KCNIP4: variants seen among roughly 807,000 people sequenced by gnomAD.
The protein encoded by KCNIP4 is Kv channel-interacting protein 4.
A neutral mutation model predicts 34.0 loss-of-function variants in KCNIP4; 12 were observed. That is an observed-to-expected ratio of 0.35 (90% CI 0.23 to 0.57). KCNIP4 has a LOEUF of 0.57. KCNIP4 is among the 20% of genes least tolerant of loss of function. KCNIP4 has a pLI of 0.83. For missense variants in KCNIP4, 238 were observed against 311.7 expected, an observed-to-expected ratio of 0.76 and a Z score of 1.78; for synonymous variants, 124 against 102.2, an observed-to-expected ratio of 1.21 and a Z score of -1.29.
At chr4:20,755,802 A>G (rs984280542) in intron 4 of KCNIP4, among the ~76,000 whole-genome samples, 3 of 152,140 alleles carry the variant, frequency 2.0e-5, no homozygotes, top group African/African-American at 7.2e-5. Context: ...TTTCAGGCAG[A>G]GGGAACAGCA....
intron 1 of KCNIP4, among the ~76,000 whole-genome samples, chr4:21,631,311 A>G (rs952772513): frequency 1.1e-4 from 17 of 152,320 alleles, no homozygotes; most frequent in African/African-American, 4.1e-4. Context: ...CCATGCTTTT[A>G]TTTTAATTAA....
intron 1 of KCNIP4, among the ~76,000 whole-genome samples, chr4:21,076,060 T>G (rs1745462673): frequency 6.6e-6 from 1 of 152,194 alleles, no homozygotes; most frequent in South Asian, 2.1e-4. Context: ...TCTCTCTGGC[T>G]ACACTTAACA....
chr4:21,391,958 A>G (rs1722599179), intron 1 of KCNIP4, among the ~76,000 whole-genome samples: 2 of 152,312 alleles, frequency 1.3e-5, no homozygotes, highest in South Asian at 2.1e-4. Context: ...TTCCACTGCT[A>G]TCCTGTAAAC....
At chr4:20,976,190 A>G (rs1013810691) in intron 1 of KCNIP4, among the ~76,000 whole-genome samples, 1 of 152,196 alleles carries the variant, frequency 6.6e-6, no homozygotes, top group African/African-American at 2.4e-5. Flanking sequence ...GACCAGCAGC[A>G]TGATCCTCAA....
intron 1 of KCNIP4, among the ~76,000 whole-genome samples, chr4:21,272,818 G>A (rs1762231145): frequency 6.6e-6 from 1 of 152,158 alleles, no homozygotes; most frequent in African/African-American, 2.4e-5. Context: ...ATGATGAAAT[G>A]TATATATGCT....
chr4:21,756,999 AG>A (rs1480865680), intron 1 of KCNIP4, among the ~76,000 whole-genome samples: 11 of 151,362 alleles, frequency 7.3e-5, no homozygotes, highest in African/African-American at 2.7e-4. Flanking sequence ...TGGGAGGCTG[AG>A]GCAGCAGAAT....
At chr4:21,073,237 A>G (rs1745146002) in intron 1 of KCNIP4, among the ~76,000 whole-genome samples, 1 of 152,180 alleles carries the variant, frequency 6.6e-6, no homozygotes, top group Non-Finnish European at 1.5e-5. Flanking sequence ...TACCTTGGGC[A>G]GTATGGCCAT....
At chr4:21,494,049 G>A (rs986108736) in intron 1 of KCNIP4, among the ~76,000 whole-genome samples, 1 of 152,096 alleles carries the variant, frequency 6.6e-6, no homozygotes, top group Admixed American at 6.5e-5. Flanking sequence ...ATTTTATGTG[G>A]TAGAGAGGAT....
intron 1 of KCNIP4, among the ~76,000 whole-genome samples, chr4:21,841,953 C>T (rs994562094): frequency 3.3e-5 from 5 of 152,118 alleles, no homozygotes; most frequent in African/African-American, 1.2e-4. Flanking sequence ...CCTTCAGCAG[C>T]AAAGTCTATG....
chr4:21,932,208 G>A (rs1263202025), intron 1 of KCNIP4, among the ~76,000 whole-genome samples: 2 of 152,088 alleles, frequency 1.3e-5, no homozygotes, highest in African/African-American at 4.8e-5. Flanking sequence ...TTTGCAGACA[G>A]AGAAATTTAG....
At chr4:21,531,495 C>T (rs1166919567) in intron 1 of KCNIP4, among the ~76,000 whole-genome samples, 2 of 151,968 alleles carry the variant, frequency 1.3e-5, no homozygotes, top group African/African-American at 4.8e-5. Context: ...CCTGCCTCAA[C>T]CTCCTGAGTA....
intron 1 of KCNIP4, among the ~76,000 whole-genome samples, chr4:21,713,737 C>T (rs956968668): frequency 5.3e-5 from 8 of 152,182 alleles, no homozygotes; most frequent in Non-Finnish European, 1.2e-4. Context: ...CATTCACCAG[C>T]CTCTCTTCCT....
At chr4:21,872,933 A>T (rs1725898086) in intron 1 of KCNIP4, among the ~76,000 whole-genome samples, 1 of 152,194 alleles carries the variant, frequency 6.6e-6, no homozygotes, top group Non-Finnish European at 1.5e-5. Context: ...CTTAGATTCC[A>T]CTTGGAAGTG....
intron 1 of KCNIP4, among the ~76,000 whole-genome samples, chr4:21,837,526 C>T (rs1410509883): frequency 1.0e-3 from 28 of 27,728 alleles, no homozygotes; most frequent in Admixed American, 4.7e-3. Flanking sequence ...AAGAGCAAAA[C>T]GCTGTCAAAA....
intron 1 of KCNIP4, among the ~76,000 whole-genome samples, chr4:21,243,462 A>G (rs1479725897): frequency 6.6e-6 from 1 of 152,238 alleles, no homozygotes; most frequent in African/African-American, 2.4e-5. Flanking sequence ...CTACTAAAAT[A>G]CAGATTGGCT....
At chr4:21,660,482 C>CT (rs1000738953) in intron 1 of KCNIP4, among the ~76,000 whole-genome samples, 7 of 152,128 alleles carry the variant, frequency 4.6e-5, no homozygotes, top group African/African-American at 1.7e-4. Context: ...ACCCACATAT[C>CT]TTTTCAAATC....
chr4:20,966,470 A>G (rs766123283), intron 1 of KCNIP4, among the ~76,000 whole-genome samples: 3 of 152,168 alleles, frequency 2.0e-5, no homozygotes, highest in African/African-American at 4.8e-5. Context: ...ATAAAAAAAG[A>G]ACACTTAGTA....
chr4:21,519,448 G>A (rs867068556), intron 1 of KCNIP4, among the ~76,000 whole-genome samples: 1 of 73,994 alleles, frequency 1.4e-5, no homozygotes, highest in African/African-American at 6.1e-5. Context: ...ATATGTATGT[G>A]TATATACACA....
chr4:21,173,573 T>C (rs182808834), intron 1 of KCNIP4, among the ~76,000 whole-genome samples: 135 of 152,262 alleles, frequency 8.9e-4, no homozygotes, highest in African/African-American at 3.1e-3. Flanking sequence ...AAGAAAAATC[T>C]TAGGAATGAT....
Sources: allele counts gnomAD v4.1 joint callset (sites outside exome capture counted in the v4.1 genomes callset), GRCh38; gene constraint gnomAD v4.1.1; transcripts MANE v1.5; gene names NCBI Gene and HGNC (gene_info 2026-07-23, HGNC 2026-07-21).